Variants in RABEPK observed in about 807,000 individuals in gnomAD.
RABEPK encodes 40 kDa Rab9 effector protein.
A neutral mutation model predicts 34.1 loss-of-function variants in RABEPK; 27 were observed. The ratio of observed to expected loss-of-function variants is 0.79; its 90% CI spans 0.58 to 1.09. The LOEUF (loss-of-function observed/expected upper bound fraction) is 1.09. Among genes scored for constraint, RABEPK ranks in the 50% least tolerant of loss-of-function variants. The pLI, the probability that RABEPK is intolerant of heterozygous loss-of-function variation, is 0.00. For missense variants in RABEPK, 449 were observed against 462.6 expected, an observed-to-expected ratio of 0.97 and a Z score of 0.27; for synonymous variants, 172 against 169.2, an observed-to-expected ratio of 1.02 and a Z score of -0.13.
chr9:125,220,434 C>T (rs1244144176), intron 4 of RABEPK, 105 bp from the exon 5 acceptor site: 2 of 1,508,240 alleles, frequency 1.3e-6, no homozygotes, highest in East Asian at 2.3e-5. Context: ...TATGCTGGCC[C>T]CCCTGGGGAT....
chr9:125,224,429 C>A (rs1831588517), intron 5 of RABEPK, among the ~76,000 whole-genome samples: 1 of 149,772 alleles, frequency 6.7e-6, no homozygotes, highest in Non-Finnish European at 1.5e-5. Flanking sequence ...TAATTCATAC[C>A]TCAGCTCTTA....
chr9:125,206,880 G>A (rs139297804), intron 2 of RABEPK, among the ~76,000 whole-genome samples: 33 of 152,070 alleles, frequency 2.2e-4, no homozygotes, highest in Middle Eastern at 3.4e-3. Context: ...ACCTGAGGTC[G>A]GGAGTTCGAG....
At chr9:125,205,853 C>G (rs1830192420) in intron 2 of RABEPK, among the ~76,000 whole-genome samples, 1 of 152,104 alleles carries the variant, frequency 6.6e-6, no homozygotes, top group South Asian at 2.1e-4. Context: ...ACAAATTTGG[C>G]AACCACTGAT....
intron 4 of RABEPK, among the ~76,000 whole-genome samples, chr9:125,214,484 A>T (rs1588359321): frequency 6.6e-6 from 1 of 152,202 alleles, no homozygotes; most frequent in East Asian, 1.9e-4. Context: ...AAAGTTCCTA[A>T]CTTGTCTCAC....
chr9:125,215,334 G>T (rs1317571241), intron 4 of RABEPK, among the ~76,000 whole-genome samples: 1 of 149,544 alleles, frequency 6.7e-6, no homozygotes, highest in Non-Finnish European at 1.5e-5. Context: ...TTTCGAGGCA[G>T]GGTCTCACTC....
chr9:125,232,523 C>CT, intron 6 of RABEPK, 73 bp from the exon 7 acceptor site: 1 of 1,483,242 alleles, frequency 6.7e-7, no homozygotes, highest in Non-Finnish European at 9.1e-7. Context: ...GGTGTGCAAA[C>CT]TACAGTAGAT....
rs779075980 is a variant in RABEPK at position 125,220,712 on chromosome 9, TGGGCACCTTGG to T, written c.526+15_526+25del. On this transcript the variant is annotated intron_variant, in intron 5 of 7. Coordinates refer to ENST00000373538, the MANE Select transcript of RABEPK (RefSeq NM_005833.4). Reference sequence around the variant, plus strand: ...TGTGTTTGACGCAAGTATGGACTGGTGGGCACCTTGGGGCTGGTCAGGGCCATCCCAGTTTA... The same window carrying T: ...TGTGTTTGACGCAAGTATGGACTGGTGGCTGGTCAGGGCCATCCCAGTTTA... 2 of 1,612,642 alleles carry T rather than the reference TGGGCACCTTGG, an allele frequency of 1.2e-6. No individual in the cohort carries two copies. Among genetic ancestry groups the T allele is most frequent in the Non-Finnish European group, 1.7e-6 (2 of 1,179,200 alleles).
chr9:125,215,587 C>T (rs1175538354), intron 4 of RABEPK, among the ~76,000 whole-genome samples: 2 of 152,216 alleles, frequency 1.3e-5, no homozygotes, highest in Non-Finnish European at 1.5e-5. Context: ...GTTGGGATTA[C>T]AGACATGAGC....
At chr9:125,222,903 C>T (rs1831451917) in intron 5 of RABEPK, among the ~76,000 whole-genome samples, 1 of 152,096 alleles carries the variant, frequency 6.6e-6, no homozygotes, top group Non-Finnish European at 1.5e-5. Context: ...AACTCCTAGC[C>T]TCAAGTGATC....
rs13302059 is a variant in RABEPK, at chr9:125,207,682, C to T, written c.172C>T (p.Pro58Ser). 1.2e-5 allele frequency: 19 copies of T among 1,614,120 alleles called. No homozygotes were observed. Among genetic ancestry groups the T allele is most frequent in the Non-Finnish European group, 1.5e-5 (18 of 1,180,016 alleles). The change falls in exon 3 of 8, where the codon CCA becomes TCA. Residue 58 changes from proline (P) to serine (S), a missense_variant. By Grantham distance (74) the Pro-to-Ser change is moderately conservative (BLOSUM62 -1). Coordinates refer to ENST00000373538, the MANE Select transcript of RABEPK (RefSeq NM_005833.4). ...GGTCTTCATTGTTGGGGGAGCAAAT[C>T]CAAACAGAAGCTTCTCAGACGTGCA... ...GKVFIVGGAN[P>S]NRSFSDVHTM...
chr9:125,232,463 T>C, intron 6 of RABEPK, 133 bp from the exon 7 acceptor site: 1 of 985,388 alleles, frequency 1.0e-6, no homozygotes, highest in Non-Finnish European at 1.4e-6. Context: ...CAAATAATTC[T>C]TATGTGCACT....
chr9:125,226,426 AAAAT>A (rs1449605167), intron 5 of RABEPK, among the ~76,000 whole-genome samples: 14 of 152,110 alleles, frequency 9.2e-5, no homozygotes, highest in African/African-American at 1.7e-4. Flanking sequence ...CATTACTTAT[AAAAT>A]AAATAAATAA....
chr9:125,220,638 T>G lies in RABEPK; in HGVS notation c.464T>G (p.Phe155Cys), dbSNP rs560749635. 1 of 1,614,166 alleles carries G rather than the reference T, an allele frequency of 6.2e-7. No individual in the cohort carries two copies. Among genetic ancestry groups the G allele is most frequent in the Admixed American group, 1.7e-5 (1 of 60,010 alleles). The change falls in exon 5 of 8, where the codon TTT (phenylalanine) becomes TGT (cysteine). Residue 155 changes from phenylalanine to cysteine, a missense_variant. Phe to Cys is a radical substitution (Grantham distance 205, BLOSUM62 -2). Transcript: ENST00000373538. The part of the protein sequence containing the change: ...SAAIGNQLYV[F>C]GGGERGAQPV... The stretch of plus-strand genomic sequence containing the variant: ...GCCATTGGAAACCAGCTATATGTCT[T>G]TGGGGGCGGAGAGAGAGGTGCCCAG...
At chr9:125,215,271 A>T in intron 4 of RABEPK, among the ~76,000 whole-genome samples, 1 of 126,352 alleles carries the variant, frequency 7.9e-6, no homozygotes. Context: ...TGTTAATATA[A>T]TATCATTTGT....
chr9:125,220,431 G>C (rs1831241200), intron 4 of RABEPK, 108 bp from the exon 5 acceptor site: 1 of 1,499,994 alleles, frequency 6.7e-7, no homozygotes, highest in Non-Finnish European at 8.9e-7. Context: ...AACTATGCTG[G>C]CCCCCCTGGG....
At chr9:125,229,928 T>A (rs1832050760) in intron 6 of RABEPK, among the ~76,000 whole-genome samples, 1 of 152,208 alleles carries the variant, frequency 6.6e-6, no homozygotes, top group Admixed American at 6.5e-5. Flanking sequence ...AGTACATTTC[T>A]AGCACTTAGC....
At chr9:125,201,770 C>T (rs546091772) in intron 1 of RABEPK, among the ~76,000 whole-genome samples, 28 of 152,004 alleles carry the variant, frequency 1.8e-4, no homozygotes, top group African/African-American at 5.5e-4. Flanking sequence ...TGGGCCACAA[C>T]GCCCAGCTAA....
At chr9:125,231,108 G>A (rs1211106690) in intron 6 of RABEPK, among the ~76,000 whole-genome samples, 1 of 151,648 alleles carries the variant, frequency 6.6e-6, no homozygotes, top group East Asian at 2.0e-4. Flanking sequence ...TTTGAGACTA[G>A]CCTGGCCAAC....
chr9:125,221,672 TTC>T (rs1831344741), intron 5 of RABEPK: 1 of 151,480 alleles, frequency 6.6e-6, no homozygotes, highest in Non-Finnish European at 1.5e-5. Flanking sequence ...GTGATTTTTT[TTC>T]TTTTTCTTTT....
Sources: gnomAD v4.1 joint callset for allele counts (sites outside exome capture counted in the v4.1 genomes callset) on GRCh38, gnomAD v4.1.1 for gene constraint, MANE v1.5 for transcripts, NCBI Gene and HGNC (gene_info 2026-07-23, HGNC 2026-07-21) for gene names.